YWHAZ: variants seen among roughly 807,000 people sequenced by gnomAD.
YWHAZ encodes tyrosine 3-monooxygenase/tryptophan 5-monooxygenase activation protein zeta, also known as 14-3-3 protein zeta/delta.
For synonymous variants in YWHAZ, 87 were observed against 103.6 expected, an observed-to-expected ratio of 0.84 and a Z score of 0.97; for missense variants, 79 against 284.8, an observed-to-expected ratio of 0.28 and a Z score of 5.20.
chr8:100,950,457 T>C (rs1586166626), intron 1 of YWHAZ: 1 of 985,450 alleles, frequency 1.0e-6, no homozygotes, highest in Non-Finnish European at 1.2e-6. Context: ...ACCCGGACTT[T>C]AAAGTGCAAA....
At chr8:100,949,004 G>T in intron 1 of YWHAZ, 104 bp from the exon 2 acceptor site, 1 of 1,286,324 alleles carries the variant, frequency 7.8e-7, no homozygotes, top group Non-Finnish European at 1.1e-6. Flanking sequence ...AAACCTAACT[G>T]CCTGTGAAAG....
At chr8:100,930,219 C>G (rs563447518) in intron 2 of YWHAZ, among the ~76,000 whole-genome samples, 8 of 152,346 alleles carry the variant, frequency 5.3e-5, no homozygotes, top group African/African-American at 1.9e-4. Flanking sequence ...CTGCCTCAGT[C>G]TCCCGAGTAG....
At chr8:100,952,506 C>T (rs999607158), upstream of YWHAZ, 1 of 155,292 alleles carries the variant, frequency 6.4e-6, no homozygotes. Flanking sequence ...GCGCTTGCCC[C>T]AGTCACTCCC....
chr8:100,925,941 A>AC (rs1387811960), intron 2 of YWHAZ, among the ~76,000 whole-genome samples: 1 of 152,054 alleles, frequency 6.6e-6, no homozygotes, highest in Non-Finnish European at 1.5e-5. Flanking sequence ...AAGCAAAAAA[A>AC]CCCCAACCAC....
chr8:100,938,268 A>G (rs1030207318), intron 2 of YWHAZ, among the ~76,000 whole-genome samples: 1 of 152,256 alleles, frequency 6.6e-6, no homozygotes, highest in South Asian at 2.1e-4. Flanking sequence ...CAATAAGATG[A>G]TACTACATTA....
At chr8:100,951,343 C>T (rs956387409) in intron 1 of YWHAZ, 3 of 984,550 alleles carry the variant, frequency 3.0e-6, no homozygotes, top group African/African-American at 3.5e-5. Flanking sequence ...GCGCCACCGC[C>T]TCCCGGGGTG....
At chr8:100,951,106 A>G in intron 1 of YWHAZ, 2 of 961,228 alleles carry the variant, frequency 2.1e-6, no homozygotes, top group Non-Finnish European at 2.5e-6. Flanking sequence ...CCCACCAGGA[A>G]AATTCAAGTC....
intron 2 of YWHAZ, 46 bp from the exon 3 acceptor site, chr8:100,925,085 A>G (rs1316083857): frequency 6.4e-7 from 1 of 1,554,988 alleles, no homozygotes; most frequent in Admixed American, 2.1e-5. Flanking sequence ...AACATTTACA[A>G]AACTGAAAGA....
chr8:100,934,982 C>T (rs1363605167), intron 2 of YWHAZ: 2 of 151,638 alleles, frequency 1.3e-5, no homozygotes, highest in East Asian at 1.9e-4. Context: ...GGTGACACCC[C>T]GTCTCTACTG....
In YWHAZ at chr8:100,917,750, T is replaced by C. The variant is rs149758683; in HGVS notation, c.*2943A>G. On this transcript the variant is annotated 3_prime_UTR_variant, in exon 6 of 6. Transcript: ENST00000395958. ...AACGAACAAAAAAATTCCAGTACTT[T>C]ACACACAAAAAGTCATTGGATTTTC... is the stretch of plus-strand genomic sequence containing the variant. The C allele has an allele frequency of 8.1e-4, 123 of 152,208 alleles. 1 individual carries two copies. Among genetic ancestry groups the C allele is most frequent in the African/African-American group, 2.7e-3 (114 of 41,536 alleles). The allele number at this position is 152,208 out of a possible 1,614,324, so 9.4% of individuals were successfully genotyped here.
In YWHAZ at chr8:100,951,966, CT is replaced by C; in HGVS notation, c.-50del. ...TGGGTGGTGGCGGCGGACGGACGGG[CT>C]CAGCAGTCTCTGGGCGGCGGCGGCG... On this transcript the variant is annotated 5_prime_UTR_variant, in exon 1 of 6. Coordinates refer to ENST00000395958, the MANE Select transcript of YWHAZ (RefSeq NM_145690.3). The C allele has an allele frequency of 1.0e-6, 1 of 1,004,118 alleles. No individual in the cohort carries two copies. Among genetic ancestry groups the C allele is most frequent in the African/African-American group, 1.7e-5 (1 of 57,424 alleles). The allele number at this position is 1,004,118 out of a possible 1,614,324, so 62.2% of individuals were successfully genotyped here. A position where few individuals can be genotyped will look rare whatever the true frequency, so the allele number is the denominator to read the frequency against.
chr8:100,952,021 C>G (rs1387568241), upstream of YWHAZ: 1 of 995,780 alleles, frequency 1.0e-6, no homozygotes, highest in Non-Finnish European at 1.2e-6. Flanking sequence ...AGACTCTGTC[C>G]CTGGATCTCG....
rs149372130 is a variant in YWHAZ at position 100,927,034 on chromosome 8, A to G, written c.295-1995T>C. Among the ~76,000 whole-genome samples, 1,344 of 152,346 alleles carry G rather than the reference A, an allele frequency of 8.8e-3. 24 individuals are homozygous for G. Among genetic ancestry groups the G allele is most frequent in the African/African-American group, 0.031 (1,278 of 41,580 alleles). On this transcript the variant is annotated intron_variant, in intron 2 of 5. Coordinates refer to ENST00000395958, the MANE Select transcript of YWHAZ (RefSeq NM_145690.3). ...ACTACTTAATCTCAATGATTCAGTT[A>G]TCTCACCTGTAAGGCAGAGACCTCT...
rs776744469 is a variant in YWHAZ, at chr8:100,924,903, A to G, written c.418+13T>C. The stretch of plus-strand genomic sequence containing the variant: ...TTATACAAGTTCAACCAACAGGTTT[A>G]AAAACAGCATACCTTTCTTGTCATC... On this transcript the variant is annotated intron_variant, in intron 3 of 5. Coordinates refer to ENST00000395958, the MANE Select transcript of YWHAZ (RefSeq NM_145690.3). The surrounding 1 kb of genome is among the most constrained non-coding windows in gnomAD (Gnocchi z 5.7). 1.9e-5 allele frequency: 31 copies of G among 1,611,456 alleles called. No individual in the cohort carries two copies. The highest frequency in any genetic ancestry group is 2.5e-5 in the Non-Finnish European group (29 of 1,179,616).
In YWHAZ at chr8:100,922,384, CTTTTCT is replaced by C. The variant is rs1272044947; in HGVS notation, c.678+1565_678+1570del. 3.4e-5 allele frequency: 3 copies of C among 87,872 alleles called. No homozygotes were observed. The highest frequency in any genetic ancestry group is 4.8e-5 in the African/African-American group (1 of 20,964). 5.4% of individuals were successfully genotyped at this position (87,872 alleles called of 1,614,324 possible). A position where few individuals can be genotyped will look rare whatever the true frequency, so the allele number is the denominator to read the frequency against. On this transcript the variant is annotated intron_variant, in intron 5 of 5. Coordinates refer to ENST00000395958, the MANE Select transcript of YWHAZ (RefSeq NM_145690.3). The surrounding 1 kb of genome is among the most constrained non-coding windows in gnomAD (Gnocchi z 4.1). ...ATTAGAATCAAAACCCTGGTTTTTT[CTTTTCT>C]TTTTTTTTTTTTTTGAGACAGAGTC... is the stretch of plus-strand genomic sequence containing the variant.
rs533571943 is a variant in YWHAZ at position 100,920,311 on chromosome 8, C to T, written c.*382G>A. On this transcript the variant is annotated 3_prime_UTR_variant, in exon 6 of 6. Transcript: ENST00000395958. ...ACAATTACTACACCTGTGACTGGAA[C>T]CAATGATCCCTTTTATTCCCCGCCA... 5.1e-5 allele frequency: 10 copies of T among 195,510 alleles called. No homozygotes were observed. The South Asian group carries it at 8.3e-4, about 16-fold the overall frequency. 12.1% of individuals were successfully genotyped at this position (195,510 alleles called of 1,614,324 possible).
rs749906654 is a variant in YWHAZ, at chr8:100,916,664, T to A, written c.*4029A>T. On this transcript the variant is annotated 3_prime_UTR_variant, in exon 6 of 6. Coordinates refer to ENST00000395958, the MANE Select transcript of YWHAZ (RefSeq NM_145690.3). The stretch of plus-strand genomic sequence containing the variant: ...GACTTTCAAGGAATGAACTCAAATA[T>A]GATCAAATATTCACATCTCTGGTAT... The A allele has an allele frequency of 1.3e-5, 2 of 152,242 alleles. No homozygotes were observed. Among genetic ancestry groups the A allele is most frequent in the Non-Finnish European group, 2.9e-5 (2 of 68,048 alleles). The allele number at this position is 152,242 out of a possible 1,614,324, so 9.4% of individuals were successfully genotyped here. A position where few individuals can be genotyped will look rare whatever the true frequency, so the allele number is the denominator to read the frequency against.
chr8:100,941,086 A>G (rs1809816654), intron 2 of YWHAZ, among the ~76,000 whole-genome samples: 1 of 152,210 alleles, frequency 6.6e-6, no homozygotes, highest in African/African-American at 2.4e-5. Flanking sequence ...TCTTCCTAAC[A>G]CAATGCTAAA....
rs1812819276 is a variant in YWHAZ at position 100,918,573 on chromosome 8, A to AG, written c.*2119dup. ...TTTTCTCCTGGAAATAAAGACCCCA[A>AG]GGTCTCCATTGCACTTTTATTTGAA... is the stretch of plus-strand genomic sequence containing the variant. On this transcript the variant is annotated 3_prime_UTR_variant, in exon 6 of 6. Transcript: ENST00000395958. 6.6e-6 allele frequency: 1 copy of AG among 151,352 alleles called. No individual in the cohort carries two copies. The highest frequency in any genetic ancestry group is 1.5e-5 in the Non-Finnish European group (1 of 67,864). The allele number at this position is 151,352 out of a possible 1,614,324, so 9.4% of individuals were successfully genotyped here.
Sources: gnomAD v4.1 joint callset for allele counts (sites outside exome capture counted in the v4.1 genomes callset) on GRCh38, gnomAD v4.1.1 for gene constraint, Gnocchi (gnomAD v3.1) non-coding constraint, MANE v1.5 for transcripts, NCBI Gene and HGNC (gene_info 2026-07-23, HGNC 2026-07-21) for gene names.